MTDH: variants seen among roughly 807,000 people sequenced by gnomAD.
The protein encoded by MTDH is metadherin.
A neutral mutation model predicts 72.7 loss-of-function variants in MTDH; 34 were observed. That is an observed-to-expected ratio of 0.47 (90% CI 0.36 to 0.62). The LOEUF is 0.62. MTDH is among the 20% of genes least tolerant of loss of function. MTDH has a pLI of 0.00. For synonymous variants in MTDH, 266 were observed against 268.9 expected (o/e 0.99, Z 0.10); for missense variants, 677 against 699.4 (o/e 0.97, Z 0.36).
rs545718060 is a variant in MTDH at position 97,725,332 on chromosome 8, G to C, written c.*662G>C. 2.0e-5 allele frequency: 3 copies of C among 152,538 alleles called. No homozygotes were observed. The highest frequency in any genetic ancestry group is 4.4e-5 in the Non-Finnish European group (3 of 68,024). 9.4% of individuals were successfully genotyped at this position (152,538 alleles called of 1,614,324 possible). ...TTGATAGTCTTACATTACTTGAATT[G>C]TTCAAAGTACAGTATATTTTAAATT... On this transcript the variant is annotated 3_prime_UTR_variant, in exon 12 of 12. Coordinates refer to ENST00000336273, the MANE Select transcript of MTDH (RefSeq NM_178812.4).
chr8:97,664,550 T>C (rs1812302226), intron 2 of MTDH, among the ~76,000 whole-genome samples: 1 of 152,244 alleles, frequency 6.6e-6, no homozygotes, highest in Admixed American at 6.5e-5. Context: ...AACTCATGGC[T>C]GGTGTTCTGT....
In MTDH at chr8:97,710,723, G is replaced by A. The variant is rs896814695; in HGVS notation, c.1273-2939G>A. ...AAAAAAAAAAAAATAGATAAGGCCG[G>A]GCGCGGTGGTTCACGCCTGTAATCC... On this transcript the variant is annotated intron_variant, in intron 8 of 11. Transcript: ENST00000336273. 3.9e-4 allele frequency among the ~76,000 whole-genome samples: 59 copies of A among 150,826 alleles called. 1 individual carries two copies. Among genetic ancestry groups the A allele is most frequent in the Non-Finnish European group, 6.5e-4 (44 of 67,828 alleles).
chr8:97,721,330 G>A (rs763627725), intron 10 of MTDH, among the ~76,000 whole-genome samples: 9 of 152,030 alleles, frequency 5.9e-5, no homozygotes, highest in Admixed American at 6.6e-5. Flanking sequence ...GTGGTCCCAG[G>A]TACTTGGGGG....
At chr8:97,645,035 ATAGGTGG>A in intron 1 of MTDH, 148 bp downstream of exon 1, 1 of 890,414 alleles carries the variant, frequency 1.1e-6, no homozygotes, top group Non-Finnish European at 1.6e-6. Flanking sequence ...GGAGGAGGTG[ATAGGTGG>A]TCATGTTATT....
chr8:97,656,735 C>T (rs1341733580), intron 1 of MTDH, among the ~76,000 whole-genome samples: 1 of 151,736 alleles, frequency 6.6e-6, no homozygotes, highest in African/African-American at 2.4e-5. Flanking sequence ...TGCGGTGGCT[C>T]ACACCCATAA....
At chr8:97,718,957 G>T (rs1449307565) in intron 9 of MTDH, 92 bp from the exon 10 acceptor site, 2 of 1,205,294 alleles carry the variant, frequency 1.7e-6, no homozygotes, top group African/African-American at 3.2e-5. Flanking sequence ...CCGCCTCCCA[G>T]AGTGCTGGGA....
chr8:97,699,793 A>C lies in MTDH; in HGVS notation c.1088A>C (p.Asp363Ala). The change falls in exon 7 of 12, where the codon GAT (aspartate) becomes GCT (alanine). Residue 363 changes from aspartate to alanine, a missense_variant. By Grantham distance (126) the Asp-to-Ala change is moderately radical. Transcript: ENST00000336273. ...AEPVSQSTTS[D>A]YQWDVSRNQP... is the part of the protein sequence containing the mutation. ...CCAGTTTCTCAGTCTACCACTTCTG[A>C]TTATCAGTGGGATGTTAGCCGTAAT... 6.2e-7 allele frequency: 1 copy of C among 1,613,410 alleles called. No individual in the cohort carries two copies. The highest frequency in any genetic ancestry group is 8.5e-7 in the Non-Finnish European group (1 of 1,179,516).
Position 97,724,790 on chromosome 8 carries a change from C to A in MTDH, c.*120C>A. On this transcript the variant is annotated 3_prime_UTR_variant, in exon 12 of 12. Transcript: ENST00000336273. Reference sequence around the variant, plus strand: ...TATAAATTTAAACCAATTTTTAAAACAAAACTGCGGACACCACCATAAAAA... The same window carrying A: ...TATAAATTTAAACCAATTTTTAAAAAAAAACTGCGGACACCACCATAAAAA... 1.5e-6 allele frequency: 1 copy of A among 660,628 alleles called. No homozygotes were observed. The highest frequency in any genetic ancestry group is 2.4e-6 in the Non-Finnish European group (1 of 421,424). The allele number at this position is 660,628 out of a possible 1,614,324, so 40.9% of individuals were successfully genotyped here. A position where few individuals can be genotyped will look rare whatever the true frequency, so the allele number is the denominator to read the frequency against.
intron 9 of MTDH, among the ~76,000 whole-genome samples, chr8:97,717,018 C>G (rs1814903397): frequency 1.3e-5 from 2 of 152,096 alleles, no homozygotes; most frequent in Admixed American, 6.6e-5. Flanking sequence ...CTGATGGGGT[C>G]TTTCACTGTT....
At chr8:97,672,208 T>A (rs1322730628) in intron 2 of MTDH, among the ~76,000 whole-genome samples, 2 of 152,188 alleles carry the variant, frequency 1.3e-5, no homozygotes, top group Non-Finnish European at 2.9e-5. Context: ...TCATTGGCAG[T>A]TTTTTACTAT....
chr8:97,659,580 C>G (rs1428109883), intron 1 of MTDH, among the ~76,000 whole-genome samples: 1 of 152,166 alleles, frequency 6.6e-6, no homozygotes, highest in Non-Finnish European at 1.5e-5. Context: ...TCATTGTTAA[C>G]AAATGCATGT....
chr8:97,724,048 G>A (rs1297040475), intron 11 of MTDH, among the ~76,000 whole-genome samples: 1 of 152,206 alleles, frequency 6.6e-6, no homozygotes, highest in Non-Finnish European at 1.5e-5. Context: ...GGCGGAGGTT[G>A]TAGTGAGCCA....
chr8:97,691,872 TTTTG>T (rs1028470950), intron 6 of MTDH, among the ~76,000 whole-genome samples: 29 of 152,122 alleles, frequency 1.9e-4, no homozygotes, highest in East Asian at 3.9e-4. Context: ...TTTTGTTGTT[TTTTG>T]TTTGTTTGTT....
chr8:97,667,087 C>T (rs993773679), intron 2 of MTDH, among the ~76,000 whole-genome samples: 1 of 152,134 alleles, frequency 6.6e-6, no homozygotes, highest in Admixed American at 6.6e-5. Context: ...ACCTCCCAGG[C>T]TCAAGCAATC....
chr8:97,659,408 T>C (rs947712682), intron 1 of MTDH, among the ~76,000 whole-genome samples: 1 of 152,236 alleles, frequency 6.6e-6, no homozygotes, highest in Non-Finnish European at 1.5e-5. Context: ...TGTCTGACTT[T>C]AACAAGTTGC....
chr8:97,671,248 T>A (rs934141077), intron 2 of MTDH, among the ~76,000 whole-genome samples: 1 of 152,148 alleles, frequency 6.6e-6, no homozygotes, highest in Non-Finnish European at 1.5e-5. Flanking sequence ...ATTACAGGCA[T>A]GAGCCATAGC....
rs187138173 is a variant in MTDH at position 97,664,077 on chromosome 8, C to T, written c.483+2904C>T. On this transcript the variant is annotated intron_variant, in intron 2 of 11. Coordinates refer to ENST00000336273, the MANE Select transcript of MTDH (RefSeq NM_178812.4). ...ATTTAATTAATTTGATACAGTTGGC[C>T]GGGCACAATGGCTCAAGCCTGTAAT... Among the ~76,000 whole-genome samples, 85 of 152,070 alleles carry T rather than the reference C, an allele frequency of 5.6e-4. 1 individual carries two copies. Among genetic ancestry groups the T allele is most frequent in the Non-Finnish European group, 6.2e-4 (42 of 67,974 alleles).
At chr8:97,690,872 G>A in intron 5 of MTDH, 80 bp from the exon 6 acceptor site, 6 of 972,384 alleles carry the variant, frequency 6.2e-6, no homozygotes, top group Non-Finnish European at 9.1e-6. Context: ...TATAAGTCAA[G>A]CAATCATAGA....
chr8:97,682,455 C>T (rs1215260768), intron 2 of MTDH, among the ~76,000 whole-genome samples: 4 of 149,658 alleles, frequency 2.7e-5, no homozygotes, highest in Non-Finnish European at 5.9e-5. Context: ...CCCGCCACCA[C>T]GCCTGGCTAA....
Sources: allele counts gnomAD v4.1 joint callset (sites outside exome capture counted in the v4.1 genomes callset), GRCh38; gene constraint gnomAD v4.1.1; transcripts MANE v1.5; gene names NCBI Gene and HGNC (gene_info 2026-07-23, HGNC 2026-07-21).